ST8SIA1: variants seen among roughly 807,000 people sequenced by gnomAD.
The protein encoded by ST8SIA1 is ST8 alpha-N-acetyl-neuraminide alpha-2,8-sialyltransferase 1.
Under a neutral mutation model 35.9 loss-of-function variants are expected in ST8SIA1, and 16 were observed. The observed-to-expected ratio is 0.45, with a 90% CI of 0.30 to 0.68. The LOEUF (loss-of-function observed/expected upper bound fraction) is 0.68. ST8SIA1 is among the 30% of genes least tolerant of loss of function. The pLI is 0.09. For missense variants in ST8SIA1, 383 were observed against 453.6 expected (o/e 0.84, Z 1.41); for synonymous variants, 170 against 169.6 (o/e 1.00, Z -0.02).
rs1866485257 is a variant in ST8SIA1 at position 22,314,042 on chromosome 12, C to T, written c.236+19955G>A. On this transcript the variant is annotated intron_variant, in intron 1 of 4. Coordinates refer to ENST00000396037, the MANE Select transcript of ST8SIA1 (RefSeq NM_003034.4). ...TCCTTAAAACCGTGAGTTGCTTTGT[C>T]TGAGGAGGGATAAAGGAGGCAATTA... 2.0e-5 allele frequency among the ~76,000 whole-genome samples: 3 copies of T among 152,084 alleles called. No homozygotes were observed. In the South Asian group the frequency reaches 6.2e-4, roughly 32 times the overall value.
chr12:22,223,689 C>A, intron 4 of ST8SIA1: 1 of 1,219,308 alleles, frequency 8.2e-7, no homozygotes, highest in South Asian at 1.5e-5. Context: ...TTGCTGGAGA[C>A]GTTCTGTCAT....
At chr12:22,325,922 G>A (rs1175862609) in intron 1 of ST8SIA1, 1 of 694,384 alleles carries the variant, frequency 1.4e-6, no homozygotes, top group African/African-American at 1.8e-5. Context: ...AGTGTCAACA[G>A]TGTGGAGACG....
intron 4 of ST8SIA1, among the ~76,000 whole-genome samples, chr12:22,205,949 A>G (rs1021812331): frequency 2.0e-5 from 3 of 152,188 alleles, no homozygotes; most frequent in Non-Finnish European, 4.4e-5. Flanking sequence ...ACAAACATAA[A>G]TTGGTATCGA....
chr12:22,333,723 T>C (rs1198388405), intron 1 of ST8SIA1: 1 of 614,430 alleles, frequency 1.6e-6, no homozygotes, highest in Non-Finnish European at 2.9e-6. Flanking sequence ...TATCCGTAAA[T>C]TGTTAAATAA....
intron 1 of ST8SIA1, among the ~76,000 whole-genome samples, chr12:22,331,058 G>A (rs760810815): frequency 7.2e-5 from 11 of 152,190 alleles, no homozygotes; most frequent in South Asian, 2.1e-4. Context: ...CATCTCCTTC[G>A]CAGTTTGACA....
At chr12:22,309,531 T>C (rs1866425233) in intron 1 of ST8SIA1, among the ~76,000 whole-genome samples, 1 of 152,206 alleles carries the variant, frequency 6.6e-6, no homozygotes, top group Admixed American at 6.5e-5. Context: ...CATGTACATG[T>C]TTCTCCTTTC....
intron 1 of ST8SIA1, among the ~76,000 whole-genome samples, chr12:22,308,277 A>G (rs1279764064): frequency 6.6e-6 from 1 of 152,228 alleles, no homozygotes; most frequent in East Asian, 1.9e-4. Flanking sequence ...GATGCTTGTT[A>G]TAGAAAATCT....
rs928024053 is a variant in ST8SIA1, at chr12:22,248,950, A to C, written c.584+56T>G. 6 of 1,318,668 alleles carry C rather than the reference A, an allele frequency of 4.6e-6. No individual in the cohort carries two copies. In the African/African-American group the frequency reaches 8.7e-5, roughly 19 times the overall value. 81.7% of individuals were successfully genotyped at this position (1,318,668 alleles called of 1,614,324 possible). A position where few individuals can be genotyped will look rare whatever the true frequency, so the allele number is the denominator to read the frequency against. ...TATGCTCACTGCCTTTGAAATGCTA[A>C]GTACTTGAGAAGACTTCATCTTCGT... On this transcript the variant is annotated intron_variant, in intron 4 of 4. Coordinates refer to ENST00000396037, the MANE Select transcript of ST8SIA1 (RefSeq NM_003034.4).
chr12:22,243,372 A>AAAATATC, intron 4 of ST8SIA1, among the ~76,000 whole-genome samples: 1 of 152,028 alleles, frequency 6.6e-6, no homozygotes, highest in East Asian at 1.9e-4. Flanking sequence ...AGATATGAAT[A>AAAATATC]AAATATCTAA....
intron 2 of ST8SIA1, among the ~76,000 whole-genome samples, chr12:22,271,925 T>C (rs1865915382): frequency 6.6e-6 from 1 of 152,180 alleles, no homozygotes; most frequent in Non-Finnish European, 1.5e-5. Context: ...TTTAAAGACA[T>C]GACATAATCT....
chr12:22,317,115 T>A (rs1866531074), intron 1 of ST8SIA1, among the ~76,000 whole-genome samples: 1 of 151,712 alleles, frequency 6.6e-6, no homozygotes, highest in African/African-American at 2.4e-5. Context: ...TTTTTTTATT[T>A]AAAAAAAGAA....
intron 4 of ST8SIA1, among the ~76,000 whole-genome samples, chr12:22,232,764 G>A (rs144883578): frequency 0.011 from 1,621 of 152,090 alleles, 39 homozygotes; most frequent in African/African-American, 0.037. Flanking sequence ...GTTTGAACCC[G>A]GGAGGCGGAG....
intron 1 of ST8SIA1, among the ~76,000 whole-genome samples, chr12:22,293,894 A>G (rs975796266): frequency 2.6e-5 from 4 of 152,228 alleles, no homozygotes; most frequent in Non-Finnish European, 4.4e-5. Flanking sequence ...AGAACCTAGT[A>G]GCCTACATAG....
intron 4 of ST8SIA1, among the ~76,000 whole-genome samples, chr12:22,231,075 T>C (rs1429785692): frequency 6.7e-6 from 1 of 150,344 alleles, no homozygotes; most frequent in African/African-American, 2.4e-5. Flanking sequence ...TAAGTGAGCA[T>C]GAGTATTTAA....
At chr12:22,233,035 C>G (rs1019764909) in intron 4 of ST8SIA1, among the ~76,000 whole-genome samples, 5 of 151,888 alleles carry the variant, frequency 3.3e-5, no homozygotes, top group East Asian at 1.9e-4. Flanking sequence ...AGAAAAATAT[C>G]CAAAATGAAA....
chr12:22,250,972 T>A (rs1345042694), intron 3 of ST8SIA1, among the ~76,000 whole-genome samples: 4 of 152,128 alleles, frequency 2.6e-5, no homozygotes. Context: ...CACAGTCAAG[T>A]GGTTGCCCCA....
intron 1 of ST8SIA1, among the ~76,000 whole-genome samples, chr12:22,320,436 G>A (rs1335191777): frequency 6.6e-6 from 1 of 152,186 alleles, no homozygotes; most frequent in Non-Finnish European, 1.5e-5. Context: ...CCTTGGGAGT[G>A]GCATGCTTTT....
chr12:22,210,889 C>T (rs2120633783), intron 4 of ST8SIA1, among the ~76,000 whole-genome samples: 1 of 152,276 alleles, frequency 6.6e-6, no homozygotes, highest in African/African-American at 2.4e-5. Flanking sequence ...CCAAAGGTGG[C>T]CAACCGTTCC....
chr12:22,267,579 T>C (rs7296627), intron 2 of ST8SIA1, among the ~76,000 whole-genome samples: 8,256 of 152,276 alleles, frequency 0.054, 361 homozygotes, highest in South Asian at 0.17. Context: ...GGACTCTGCA[T>C]ACAAGCATCC....
Sources: gnomAD v4.1 joint callset for allele counts (sites outside exome capture counted in the v4.1 genomes callset) on GRCh38, gnomAD v4.1.1 for gene constraint, MANE v1.5 for transcripts, NCBI Gene and HGNC (gene_info 2026-07-23, HGNC 2026-07-21) for gene names.